Variants in CECR2 observed in about 807,000 individuals in gnomAD.
CECR2 encodes CECR2 histone acetyl-lysine reader.
CECR2 carries 30 observed loss-of-function variants against 154.5 expected under a neutral mutation model. The ratio of observed to expected loss-of-function variants is 0.19; its 90% CI spans 0.15 to 0.26. The LOEUF is 0.26. CECR2 is among the 10% of genes least tolerant of loss of function. CECR2 has a pLI of 1.00. For missense variants in CECR2, 1,743 were observed against 1,829.3 expected (o/e 0.95, Z 0.86); for synonymous variants, 725 against 683.7 (o/e 1.06, Z -0.94).
chr22:17,429,898 C>T (rs2054395426), intron 1 of CECR2, among the ~76,000 whole-genome samples: 1 of 152,198 alleles, frequency 6.6e-6, no homozygotes, highest in African/African-American at 2.4e-5. Context: ...ACCATTAGTG[C>T]AGTCTCTAGG....
Position 17,477,698 on chromosome 22 carries a change from C to G in CECR2, c.221+16C>G. 2 of 1,561,550 alleles carry G rather than the reference C, an allele frequency of 1.3e-6. No homozygotes were observed. Among genetic ancestry groups the G allele is most frequent in the South Asian group, 1.1e-5 (1 of 90,034 alleles). ...GAGATATCACGTGAGTAATTCTGAT[C>G]TTTCTAAGCATTTCTTGCGCCAAGA... On this transcript the variant is annotated intron_variant, in intron 2 of 18. Coordinates refer to ENST00000262608, the MANE Select transcript of CECR2 (RefSeq NM_001290047.2).
chr22:17,507,022 T>A (rs546152293), intron 7 of CECR2, among the ~76,000 whole-genome samples: 1 of 152,240 alleles, frequency 6.6e-6, no homozygotes, highest in African/African-American at 2.4e-5. Context: ...GATAATAATA[T>A]TTCTGATTAT....
intron 1 of CECR2, among the ~76,000 whole-genome samples, chr22:17,388,200 C>T (rs1176929620): frequency 6.6e-6 from 1 of 152,146 alleles, no homozygotes; most frequent in Non-Finnish European, 1.5e-5. Context: ...GTGATCCGCC[C>T]GCCTCAGCCT....
At chr22:17,456,364 C>A (rs2054854557) in intron 1 of CECR2, among the ~76,000 whole-genome samples, 1 of 152,044 alleles carries the variant, frequency 6.6e-6, no homozygotes, top group Non-Finnish European at 1.5e-5. Flanking sequence ...CACAGCCATT[C>A]TTCTAAGAGG....
At chr22:17,405,862 C>G (rs1298996840) in intron 1 of CECR2, among the ~76,000 whole-genome samples, 1 of 152,044 alleles carries the variant, frequency 6.6e-6, no homozygotes, top group Non-Finnish European at 1.5e-5. Flanking sequence ...CTTTTTCTTA[C>G]CTTAGTGCAC....
chr22:17,469,593 G>GTTTT lies in CECR2; in HGVS notation c.127-7982_127-7979dup, dbSNP rs1156329348. Among the ~76,000 whole-genome samples, 63 of 125,418 alleles carry GTTTT rather than the reference G, an allele frequency of 5.0e-4. 1 individual carries two copies. The highest frequency in any genetic ancestry group is 2.5e-3 in the East Asian group (11 of 4,486). The allele number at this position is 125,418 out of a possible 152,430, so 82.3% of individuals were successfully genotyped here. ...CGCATCCTCTTTTGATGATAACATT[G>GTTTT]TTTTTTTTTTTTTTTTCCAGTAAGA... On this transcript the variant is annotated intron_variant, in intron 1 of 18. Coordinates refer to ENST00000262608, the MANE Select transcript of CECR2 (RefSeq NM_001290047.2).
intron 1 of CECR2, among the ~76,000 whole-genome samples, chr22:17,373,839 C>T (rs144946396): frequency 2.6e-5 from 4 of 152,278 alleles, no homozygotes; most frequent in East Asian, 3.9e-4. Flanking sequence ...TATTTCAGAA[C>T]CAGCAATTTT....
chr22:17,453,436 C>T (rs2054803905), intron 1 of CECR2, among the ~76,000 whole-genome samples: 1 of 151,818 alleles, frequency 6.6e-6, no homozygotes, highest in Non-Finnish European at 1.5e-5. Flanking sequence ...GAGCGAAATT[C>T]CATCTCAAAA....
rs2056672363 is a variant in CECR2, at chr22:17,549,490, A to G, written c.4203A>G (p.Gln1401=). ...RCQEEGLGHF[Q]AVMMEQIGTR... ...AGGAAGAAGGCCTGGGTCACTTTCAAGCTGTGATGATGGAACAAATTGGCA... is the reference window on the plus strand; with the variant it reads ...AGGAAGAAGGCCTGGGTCACTTTCAGGCTGTGATGATGGAACAAATTGGCA... The change falls in exon 17 of 19, where the codon CAA becomes CAG. Residue 1401 remains glutamine, a synonymous_variant. Coordinates refer to ENST00000262608, the MANE Select transcript of CECR2 (RefSeq NM_001290047.2). The G allele has an allele frequency of 5.0e-6, 8 of 1,609,416 alleles. No individual in the cohort carries two copies. The highest frequency in any genetic ancestry group is 6.8e-6 in the Non-Finnish European group (8 of 1,177,836).
chr22:17,483,194 T>G (rs1185278619), intron 2 of CECR2, among the ~76,000 whole-genome samples: 1 of 152,210 alleles, frequency 6.6e-6, no homozygotes, highest in Non-Finnish European at 1.5e-5. Context: ...GTTTTTGTCT[T>G]CCTTTTGAAC....
intron 1 of CECR2, among the ~76,000 whole-genome samples, chr22:17,372,884 AG>A (rs1401000748): frequency 6.6e-6 from 1 of 152,146 alleles, no homozygotes. Flanking sequence ...ATGGATTTAT[AG>A]AAAATTGAGG....
At chr22:17,495,565 A>AT (rs1474341167) in intron 2 of CECR2, among the ~76,000 whole-genome samples, 17 of 68,584 alleles carry the variant, frequency 2.5e-4, no homozygotes, top group East Asian at 9.0e-4. Flanking sequence ...GCAAAACTCC[A>AT]TTAAAAAAAA....
intron 1 of CECR2, among the ~76,000 whole-genome samples, chr22:17,360,444 G>A (rs1048161580): frequency 6.6e-6 from 1 of 152,202 alleles, no homozygotes; most frequent in African/African-American, 2.4e-5. Context: ...CACTTTGAGA[G>A]GCCGAGGCCG....
Position 17,511,901 on chromosome 22 carries a change from G to A in CECR2, c.954+5G>A, listed in dbSNP as rs763008744. On this transcript the variant is annotated splice_donor_5th_base_variant and intron_variant, in intron 8 of 18. Transcript: ENST00000262608. ...ATCAAACCCGTCAAGCAAGAGGTGA[G>A]TGTGGGTGAGAGTAGCGAGGAGGAG... 12 of 1,607,432 alleles carry A rather than the reference G, an allele frequency of 7.5e-6. No homozygotes were observed. In the South Asian group the frequency reaches 1.3e-4, roughly 18 times the overall value.
chr22:17,476,965 C>A, intron 1 of CECR2: 1 of 538,642 alleles, frequency 1.9e-6, no homozygotes, highest in Non-Finnish European at 3.4e-6. Flanking sequence ...CCAAGGAAAG[C>A]AAAGACATTC....
At chr22:17,480,775 C>T (rs542267094) in intron 2 of CECR2, among the ~76,000 whole-genome samples, 1 of 152,286 alleles carries the variant, frequency 6.6e-6, no homozygotes, top group Non-Finnish European at 1.5e-5. Context: ...CGCAGTGGCT[C>T]ATGCCTATAA....
rs1390347431 is a variant in CECR2, at chr22:17,542,665, G to A, written c.2522G>A (p.Arg841Gln). 1.5e-5 allele frequency: 25 copies of A among 1,613,796 alleles called. No homozygotes were observed. The highest frequency in any genetic ancestry group is 2.0e-5 in the Non-Finnish European group (24 of 1,179,894). ...PHGVPSSGYMRPPCKSAGHRL... is the reference protein window; with the variant it reads ...PHGVPSSGYMQPPCKSAGHRL... ...GGAGTTCCTTCCTCAGGGTACATGCGACCGCCCTGCAAGTCTGCCGGACAT... is the reference window on the plus strand; with the variant it reads ...GGAGTTCCTTCCTCAGGGTACATGCAACCGCCCTGCAAGTCTGCCGGACAT... The change falls in exon 16 of 19, where the codon CGA becomes CAA. Residue 841 changes from arginine to glutamine, a missense_variant. Around this residue, in one of 4 missense-constraint regions of CECR2, gnomAD observed 1,250 missense variants for 1,192.1 expected, o/e 1.05. Coordinates refer to ENST00000262608, the MANE Select transcript of CECR2 (RefSeq NM_001290047.2).
At chr22:17,383,592 G>GA (rs927819607) in intron 1 of CECR2, among the ~76,000 whole-genome samples, 3 of 143,770 alleles carry the variant, frequency 2.1e-5, no homozygotes, top group African/African-American at 7.7e-5. Context: ...GAAAAGAAAA[G>GA]AAAAAACTCC....
At chr22:17,513,717 C>G (rs1430271636) in intron 8 of CECR2, among the ~76,000 whole-genome samples, 2 of 152,136 alleles carry the variant, frequency 1.3e-5, no homozygotes, top group Non-Finnish European at 2.9e-5. Context: ...GGTTTTCTAG[C>G]CTGGCCTTGT....
Sources: allele counts gnomAD v4.1 joint callset (sites outside exome capture counted in the v4.1 genomes callset), GRCh38; gene constraint gnomAD v4.1.1; regional missense constraint gnomAD v4.1.1; transcripts MANE v1.5; gene names NCBI Gene and HGNC (gene_info 2026-07-23, HGNC 2026-07-21).